Variants in DAB2IP observed in about 807,000 individuals in gnomAD.
DAB2IP encodes disabled homolog 2-interacting protein.
Under a neutral mutation model 107.2 loss-of-function variants are expected in DAB2IP, and 28 were observed. The ratio of observed to expected loss-of-function variants is 0.26; its 90% confidence interval spans 0.19 to 0.36. The LOEUF (loss-of-function observed/expected upper bound fraction) is 0.36, where lower values mean the gene tolerates loss of function less well. Ranked by LOEUF, DAB2IP falls within the 10% of genes least tolerant of loss-of-function variation. The pLI is 1.00. For synonymous variants in DAB2IP, 755 were observed against 706.4 expected, an observed-to-expected ratio of 1.07 and a Z score of -1.09; for missense variants, 1,400 against 1,644.7, an observed-to-expected ratio of 0.85 and a Z score of 2.57.
intron 3 of DAB2IP, among the ~76,000 whole-genome samples, chr9:121,723,069 C>A (rs1831030778): frequency 6.6e-6 from 1 of 152,212 alleles, no homozygotes; most frequent in Non-Finnish European, 1.5e-5. Flanking sequence ...ACTGAGGGAG[C>A]CTAGCTGCCA....
intron 1 of DAB2IP, among the ~76,000 whole-genome samples, chr9:121,678,297 A>G (rs1292727182): frequency 2.6e-5 from 4 of 152,260 alleles, no homozygotes; most frequent in Non-Finnish European, 4.4e-5. Flanking sequence ...AGGTCCATCC[A>G]CATTACAGCT....
At chr9:121,783,637 T>A in exon 16 of DAB2IP, 1 of 1,505,694 alleles carries the variant, frequency 6.6e-7, no homozygotes, top group African/African-American at 1.4e-5. Flanking sequence ...CTGGAGGATG[T>A]TAGACTTGCT....
intron 1 of DAB2IP, among the ~76,000 whole-genome samples, chr9:121,668,727 C>G (rs1564145053): frequency 6.6e-6 from 1 of 152,078 alleles, no homozygotes; most frequent in East Asian, 1.9e-4. Context: ...GTACAGTCAT[C>G]TGTTTCCATT....
chr9:121,766,554 C>T (rs756939082), exon 9 of DAB2IP: 9 of 1,612,960 alleles, frequency 5.6e-6, no homozygotes, highest in Non-Finnish European at 7.6e-6. Flanking sequence ...GCAGCAGTCG[C>T]GGCCGCCCGG....
intron 3 of DAB2IP, among the ~76,000 whole-genome samples, chr9:121,749,264 T>A (rs1832934712): frequency 6.6e-6 from 1 of 152,202 alleles, no homozygotes; most frequent in Non-Finnish European, 1.5e-5. Context: ...CGCTGCCCTG[T>A]TTATGTCCTG....
intron 1 of DAB2IP, among the ~76,000 whole-genome samples, chr9:121,579,065 G>T (rs540811914): frequency 6.6e-6 from 1 of 152,028 alleles, no homozygotes; most frequent in African/African-American, 2.4e-5. Context: ...GTAGGTCAGG[G>T]CAGGGTCCCT....
Position 121,651,916 on chromosome 9 carries a change from C to T in DAB2IP, c.124+17C>T. 3 of 1,370,554 alleles carry T rather than the reference C, an allele frequency of 2.2e-6. No homozygotes were observed. Among genetic ancestry groups the T allele is most frequent in the Non-Finnish European group, 2.8e-6 (3 of 1,054,486 alleles). 84.9% of individuals were successfully genotyped at this position (1,370,554 alleles called of 1,614,324 possible). Reference sequence around the variant, plus strand: ...CTGCCAGGGGTAGGCGCCACCCCGACCCCTGACCCCTAGACCCTCCTAAGG... The same window carrying T: ...CTGCCAGGGGTAGGCGCCACCCCGATCCCTGACCCCTAGACCCTCCTAAGG... On this transcript the variant is annotated intron_variant, in intron 1 of 15. Coordinates refer to ENST00000408936, the Ensembl canonical transcript of DAB2IP. This position sits in a 1 kb window ranked among gnomAD's most constrained non-coding sequence, Gnocchi z 5.1.
intron 3 of DAB2IP, among the ~76,000 whole-genome samples, chr9:121,727,055 A>T (rs1261233512): frequency 2.6e-5 from 4 of 152,128 alleles, no homozygotes; most frequent in Non-Finnish European, 5.9e-5. Flanking sequence ...CTGCAGGCTT[A>T]TGTATAGCTT....
intron 10 of DAB2IP, among the ~76,000 whole-genome samples, chr9:121,770,044 G>C (rs778553085): frequency 3.3e-5 from 5 of 152,254 alleles, no homozygotes; most frequent in Non-Finnish European, 5.9e-5. Context: ...GCAAGGTTCA[G>C]ATGGGTTCAG....
At chr9:121,723,681 CTGT>C (rs1831067919) in intron 3 of DAB2IP, among the ~76,000 whole-genome samples, 1 of 152,226 alleles carries the variant, frequency 6.6e-6, no homozygotes, top group Admixed American at 6.5e-5. Flanking sequence ...ACACTTGGAG[CTGT>C]TGTTTCATTT....
chr9:121,644,250 AG>A (rs1460708021), intron 1 of DAB2IP, among the ~76,000 whole-genome samples: 1 of 151,946 alleles, frequency 6.6e-6, no homozygotes, highest in Non-Finnish European at 1.5e-5. Context: ...GAAACAAGGA[AG>A]GAAGGAGAAA....
rs971058877 is a variant in DAB2IP, at chr9:121,623,769, C to T, written c.41-54909C>T. Among the ~76,000 whole-genome samples the T allele has an allele frequency of 2.6e-5, 4 of 152,008 alleles. No homozygotes were observed. The East Asian group carries it at 7.7e-4, about 29-fold the overall frequency. ...GTGGTGTGATCTCAGCTCATTGCCA[C>T]CTCCGCCTCCTGGGTCCAAGTGATT... is the stretch of plus-strand genomic sequence containing the variant. On this transcript the variant is annotated intron_variant, in intron 1 of 16. Coordinates refer to the DAB2IP transcript ENST00000259371.
chr9:121,727,710 G>A (rs1831308479), intron 3 of DAB2IP, among the ~76,000 whole-genome samples: 1 of 152,242 alleles, frequency 6.6e-6, no homozygotes, highest in Admixed American at 6.5e-5. Flanking sequence ...TGCAGGGGCA[G>A]GTGAGGAGCT....
exon 12 of DAB2IP, chr9:121,773,257 G>T (rs768909897): frequency 6.5e-7 from 1 of 1,544,484 alleles, no homozygotes; most frequent in South Asian, 1.2e-5. Context: ...CGGCAGAACA[G>T]TGCTGGCCCC....
At chr9:121,652,465 C>T (rs958029421) in intron 1 of DAB2IP, among the ~76,000 whole-genome samples, 1 of 152,102 alleles carries the variant, frequency 6.6e-6, no homozygotes. Flanking sequence ...TTTCTTTTTC[C>T]AGTAACAGGA....
intron 1 of DAB2IP, among the ~76,000 whole-genome samples, chr9:121,606,621 T>C (rs1176890584): frequency 2.0e-5 from 3 of 152,110 alleles, no homozygotes; most frequent in Non-Finnish European, 4.4e-5. Context: ...GCTCTCCTTA[T>C]TGACGGCTCC....
At chr9:121,672,249 C>T (rs2119119539) in intron 1 of DAB2IP, among the ~76,000 whole-genome samples, 1 of 152,306 alleles carries the variant, frequency 6.6e-6, no homozygotes, top group Middle Eastern at 3.4e-3. Flanking sequence ...CAGTCCAGCA[C>T]CTCCTTGTTC....
intron 2 of DAB2IP, among the ~76,000 whole-genome samples, chr9:121,685,605 G>A (rs537887490): frequency 2.0e-5 from 3 of 152,368 alleles, no homozygotes; most frequent in African/African-American, 4.8e-5. Flanking sequence ...TCTCGTCTGC[G>A]AGCCTTGCTG....
At position 121,611,694 on chromosome 9, in the gene DAB2IP, C is replaced by T. The variant is rs537374767; in HGVS notation, c.40+44466C>T. ...CTGCCTCCTGGGTTCAAGTGATTCT[C>T]CTGCCTCAACCTCCTGAGTAGCTAG... On this transcript the variant is annotated intron_variant, in intron 1 of 16. Transcript: ENST00000259371. Among the ~76,000 whole-genome samples, 4 of 152,194 alleles carry T rather than the reference C, an allele frequency of 2.6e-5. No homozygotes were observed. In the East Asian group the frequency reaches 7.7e-4, roughly 29 times the overall value.
Sources: gnomAD v4.1 joint callset for allele counts (sites outside exome capture counted in the v4.1 genomes callset) on GRCh38, gnomAD v4.1.1 for gene constraint, Gnocchi (gnomAD v3.1) non-coding constraint, MANE v1.5 for transcripts, NCBI Gene and HGNC (gene_info 2026-07-23, HGNC 2026-07-21) for gene names.